Variants in ABTB3 observed in about 807,000 individuals in gnomAD.
The protein encoded by ABTB3 is ankyrin repeat- and BTB/POZ domain-containing protein 3.
At chr12:107,423,071 G>C in the ABTB3 span, among the ~76,000 whole-genome samples, 882 of 152,280 alleles carry the variant, frequency 5.8e-3, 12 homozygotes, top group African/African-American at 0.02. Flanking sequence ...GCTTGACCAA[G>C]CCTTCTTGTG....
chr12:107,462,168 A>G, the ABTB3 span, among the ~76,000 whole-genome samples: 1 of 152,180 alleles, frequency 6.6e-6, no homozygotes, highest in Non-Finnish European at 1.5e-5. Context: ...GTACTGTTTT[A>G]TTTGCAGAAA....
the ABTB3 span, among the ~76,000 whole-genome samples, chr12:107,631,348 C>CCTTGGTTG: frequency 6.6e-6 from 1 of 152,154 alleles, no homozygotes; most frequent in Non-Finnish European, 1.5e-5. Flanking sequence ...ATCCAGTGCA[C>CCTTGGTTG]CACTGATGGA....
At chr12:107,570,984 T>G in the ABTB3 span, among the ~76,000 whole-genome samples, 1 of 152,260 alleles carries the variant, frequency 6.6e-6, no homozygotes, top group Non-Finnish European at 1.5e-5. Context: ...ATCCTGGCAC[T>G]GCTGTTTATA....
the ABTB3 span, chr12:107,635,031 T>C: frequency 2.9e-6 from 1 of 341,636 alleles, no homozygotes; most frequent in Non-Finnish European, 5.3e-6. Flanking sequence ...AGGTAGCGAA[T>C]CATGAGGGCC....
the ABTB3 span, among the ~76,000 whole-genome samples, chr12:107,417,998 G>T: frequency 6.6e-6 from 1 of 152,210 alleles, no homozygotes. Flanking sequence ...TGGGACAGAG[G>T]AAACTAGCAG....
chr12:107,600,996 T>TA, the ABTB3 span, among the ~76,000 whole-genome samples: 1 of 152,208 alleles, frequency 6.6e-6, no homozygotes, highest in African/African-American at 2.4e-5. Context: ...ATGGCCTGAT[T>TA]AAATCCCTGG....
chr12:107,452,507 T>C, the ABTB3 span, among the ~76,000 whole-genome samples: 3 of 150,514 alleles, frequency 2.0e-5, no homozygotes, highest in Non-Finnish European at 4.4e-5. Flanking sequence ...CGCCCGGCCA[T>C]GAAACTTACA....
the ABTB3 span, among the ~76,000 whole-genome samples, chr12:107,392,122 A>G: frequency 3.4e-4 from 52 of 152,268 alleles, no homozygotes; most frequent in African/African-American, 1.2e-3. Context: ...CCCTGTGCAG[A>G]GCACACAGTA....
the ABTB3 span, among the ~76,000 whole-genome samples, chr12:107,449,932 G>T: frequency 1.3e-5 from 2 of 152,160 alleles, no homozygotes; most frequent in East Asian, 3.9e-4. Context: ...ATGAGCCATT[G>T]TGCCTGGCTG....
At chr12:107,542,096 G>A in the ABTB3 span, among the ~76,000 whole-genome samples, 6 of 151,964 alleles carry the variant, frequency 3.9e-5, no homozygotes, top group South Asian at 8.3e-4. Flanking sequence ...GATCACCTGC[G>A]GTCTGGAGTT....
chr12:107,332,266 G>A, the ABTB3 span, among the ~76,000 whole-genome samples: 3 of 152,168 alleles, frequency 2.0e-5, no homozygotes, highest in African/African-American at 4.8e-5. Context: ...CTAATGAGGC[G>A]ATGCTTTGGA....
chr12:107,433,641 G>T, the ABTB3 span, among the ~76,000 whole-genome samples: 1 of 152,166 alleles, frequency 6.6e-6, no homozygotes, highest in Non-Finnish European at 1.5e-5. Context: ...GGTTGGTTTT[G>T]CCCCAGAAGC....
chr12:107,388,013 C>T, the ABTB3 span, among the ~76,000 whole-genome samples: 2 of 137,434 alleles, frequency 1.5e-5, no homozygotes, highest in Non-Finnish European at 3.1e-5. Flanking sequence ...CGCTCTGTTG[C>T]CCAGGCTGGA....
the ABTB3 span, among the ~76,000 whole-genome samples, chr12:107,504,190 A>G: frequency 2.6e-5 from 4 of 152,208 alleles, no homozygotes; most frequent in Non-Finnish European, 4.4e-5. Flanking sequence ...TAATGTTTTT[A>G]AAAGACAATT....
the ABTB3 span, among the ~76,000 whole-genome samples, chr12:107,333,210 T>C: frequency 6.6e-6 from 1 of 152,176 alleles, no homozygotes; most frequent in African/African-American, 2.4e-5. Context: ...TCCTATGTTC[T>C]GGAGGAGGGT....
At chr12:107,508,382 C>CAT in the ABTB3 span, among the ~76,000 whole-genome samples, 2 of 147,828 alleles carry the variant, frequency 1.4e-5, no homozygotes, top group African/African-American at 4.9e-5. Flanking sequence ...GCTGCCCCCT[C>CAT]ATTATTTTAC....
the ABTB3 span, among the ~76,000 whole-genome samples, chr12:107,616,498 T>G: frequency 6.6e-6 from 1 of 152,234 alleles, no homozygotes; most frequent in African/African-American, 2.4e-5. Context: ...GAATGAAGTC[T>G]TATGAAGCAA....
At chr12:107,461,587 G>A in the ABTB3 span, among the ~76,000 whole-genome samples, 5 of 152,210 alleles carry the variant, frequency 3.3e-5, no homozygotes, top group Non-Finnish European at 7.3e-5. Flanking sequence ...CCCAGGAAAC[G>A]AATCCATTCG....
At chr12:107,578,929 C>T in the ABTB3 span, among the ~76,000 whole-genome samples, 7 of 152,320 alleles carry the variant, frequency 4.6e-5, no homozygotes, top group African/African-American at 1.4e-4. Flanking sequence ...TTATTAAGTG[C>T]CTACAGTGTG....
Sources: gnomAD v4.1 joint callset for allele counts (sites outside exome capture counted in the v4.1 genomes callset) on GRCh38, gnomAD v4.1.1 for gene constraint, MANE v1.5 for transcripts, NCBI Gene and HGNC (gene_info 2026-07-23, HGNC 2026-07-21) for gene names.